The following GRM7 variants were observed in gnomAD, a reference collection of about 807,000 sequenced individuals.
GRM7 encodes the protein glutamate metabotropic receptor 7.
GRM7 carries 35 observed loss-of-function variants against 84.5 expected under a neutral mutation model. The observed-to-expected ratio is 0.41, with a 90% confidence interval of 0.32 to 0.55. The LOEUF is 0.55. Among genes scored for constraint, GRM7 ranks in the 20% least tolerant of loss-of-function variants. The pLI, the probability that GRM7 is intolerant of heterozygous loss-of-function variation, is 0.19. For missense variants in GRM7, 1,003 were observed against 1,194.6 expected (o/e 0.84, Z 2.36); for synonymous variants, 487 against 455.1 (o/e 1.07, Z -0.89).
intron 2 of GRM7, among the ~76,000 whole-genome samples, chr3:7,261,831 T>C (rs528069824): frequency 3.3e-5 from 5 of 152,234 alleles, no homozygotes; most frequent in East Asian, 3.9e-4. Flanking sequence ...AAGGATCTTA[T>C]TTCTCCTTCA....
chr3:7,025,758 A>G (rs1019500382), intron 1 of GRM7, among the ~76,000 whole-genome samples: 1 of 152,124 alleles, frequency 6.6e-6, no homozygotes, highest in Non-Finnish European at 1.5e-5. Context: ...AAGCCTCATT[A>G]CCCAAAGATC....
At chr3:7,686,363 T>G in intron 9 of GRM7, 1 of 1,372,150 alleles carries the variant, frequency 7.3e-7, no homozygotes, top group Non-Finnish European at 1.0e-6. Context: ...GTAGACTGTA[T>G]ACCACCAGTA....
At chr3:7,098,433 A>G (rs747594049) in intron 1 of GRM7, among the ~76,000 whole-genome samples, 1 of 152,062 alleles carries the variant, frequency 6.6e-6, no homozygotes, top group Non-Finnish European at 1.5e-5. Context: ...CTTTGGAGTT[A>G]TCAAACAAAT....
In GRM7 at chr3:7,220,306, C is replaced by G. The variant is rs182081561; in HGVS notation, c.736+73638C>G. On this transcript the variant is annotated intron_variant, in intron 2 of 9. Transcript: ENST00000357716. The stretch of plus-strand genomic sequence containing the variant: ...CAGTGAGGTGAATGAGGTTAATATC[C>G]ATATGATAAGTTATGTTGATGCTAC... 1.6e-4 allele frequency among the ~76,000 whole-genome samples: 24 copies of G among 152,242 alleles called. No homozygotes were observed. The East Asian group carries it at 4.6e-3, about 29-fold the overall frequency.
chr3:7,353,502 G>A (rs554011485), intron 4 of GRM7, among the ~76,000 whole-genome samples: 112 of 152,206 alleles, frequency 7.4e-4, no homozygotes, highest in African/African-American at 2.4e-3. Context: ...CACCATGAAT[G>A]AGCTGGAGAT....
chr3:7,328,731 A>G lies in GRM7; in HGVS notation c.1033+22079A>G, dbSNP rs571649218. 1.3e-4 allele frequency among the ~76,000 whole-genome samples: 20 copies of G among 152,250 alleles called. No individual in the cohort carries two copies. The South Asian group carries it at 3.7e-3, about 28-fold the overall frequency. ...CACTAATTCTATTTCTTGTAGCTAA[A>G]TGCATTCCTCTCTGACATGAATTTT... On this transcript the variant is annotated intron_variant, in intron 4 of 9. Transcript: ENST00000357716.
At chr3:7,666,965 C>T (rs1405931125) in intron 8 of GRM7, among the ~76,000 whole-genome samples, 2 of 151,994 alleles carry the variant, frequency 1.3e-5, no homozygotes, top group Admixed American at 6.6e-5. Context: ...ACAGCGAATG[C>T]CCTATTTTTG....
At chr3:7,457,392 G>C (rs1454288106) in intron 6 of GRM7, among the ~76,000 whole-genome samples, 1 of 152,070 alleles carries the variant, frequency 6.6e-6, no homozygotes, top group African/African-American at 2.4e-5. Context: ...TCAAAGCAAA[G>C]TCCCAAGCCT....
At chr3:7,302,469 T>C (rs926313738) in intron 3 of GRM7, among the ~76,000 whole-genome samples, 3 of 152,174 alleles carry the variant, frequency 2.0e-5, no homozygotes, top group African/African-American at 4.8e-5. Context: ...GTTTTTACTT[T>C]CTTTTCCTGT....
intron 1 of GRM7, among the ~76,000 whole-genome samples, chr3:7,115,231 T>C (rs1308850800): frequency 6.6e-6 from 1 of 152,160 alleles, no homozygotes; most frequent in Non-Finnish European, 1.5e-5. Context: ...TATATTTTAA[T>C]AAGTACAAAC....
At chr3:7,186,805 G>A (rs975529557) in intron 2 of GRM7, among the ~76,000 whole-genome samples, 1 of 151,964 alleles carries the variant, frequency 6.6e-6, no homozygotes, top group Non-Finnish European at 1.5e-5. Flanking sequence ...GTGTTAATTA[G>A]TCTTCTATTG....
At chr3:6,898,407 A>G (rs1223006682) in intron 1 of GRM7, among the ~76,000 whole-genome samples, 1 of 151,416 alleles carries the variant, frequency 6.6e-6, no homozygotes, top group Non-Finnish European at 1.5e-5. Context: ...AAAGACAAAA[A>G]AAAAAAAAAA....
intron 2 of GRM7, among the ~76,000 whole-genome samples, chr3:7,251,472 A>G (rs749567431): frequency 1.3e-5 from 2 of 152,210 alleles, no homozygotes; most frequent in Non-Finnish European, 2.9e-5. Flanking sequence ...TAAAAATACA[A>G]AATGCCATTC....
intron 4 of GRM7, among the ~76,000 whole-genome samples, chr3:7,360,752 A>G (rs1044946916): frequency 6.6e-6 from 1 of 152,226 alleles, no homozygotes. Context: ...TAGCCTGATT[A>G]TGGGCAAATA....
intron 8 of GRM7, among the ~76,000 whole-genome samples, chr3:7,668,999 G>GACTT (rs1304322363): frequency 1.3e-5 from 2 of 152,262 alleles, no homozygotes; most frequent in South Asian, 2.1e-4. Flanking sequence ...TTCAAACTCA[G>GACTT]ACTTACAGGA....
At chr3:6,902,503 T>C (rs920067499) in intron 1 of GRM7, among the ~76,000 whole-genome samples, 1 of 152,084 alleles carries the variant, frequency 6.6e-6, no homozygotes, top group Non-Finnish European at 1.5e-5. Flanking sequence ...GTTAAATAAG[T>C]TTAACGTTTA....
intron 1 of GRM7, among the ~76,000 whole-genome samples, chr3:6,955,518 C>T (rs1353102692): frequency 1.3e-5 from 2 of 150,724 alleles, no homozygotes; most frequent in Non-Finnish European, 2.9e-5. Flanking sequence ...GCCTGGGTGA[C>T]AGAGCCAGGC....
intron 1 of GRM7, among the ~76,000 whole-genome samples, chr3:6,968,900 T>G (rs17751439): frequency 2.6e-5 from 4 of 152,184 alleles, no homozygotes; most frequent in Admixed American, 6.5e-5. Context: ...GGTTGTCAGA[T>G]TTTCTAATTC....
chr3:7,083,677 T>G (rs1698345985), intron 1 of GRM7, among the ~76,000 whole-genome samples: 2 of 152,204 alleles, frequency 1.3e-5, no homozygotes, highest in South Asian at 4.1e-4. Flanking sequence ...GCTGAGAATC[T>G]AGTGATGATC....
Sources: gnomAD v4.1 joint callset for allele counts (sites outside exome capture counted in the v4.1 genomes callset) on GRCh38, gnomAD v4.1.1 for gene constraint, MANE v1.5 for transcripts, NCBI Gene and HGNC (gene_info 2026-07-23, HGNC 2026-07-21) for gene names.